Variants in NBAS observed in about 807,000 individuals in gnomAD.
NBAS encodes NBAS subunit of NRZ tethering complex.
A neutral mutation model predicts 302.5 loss-of-function variants in NBAS; 219 were observed. That is an observed-to-expected ratio of 0.72 (90% CI 0.65 to 0.81). The LOEUF (loss-of-function observed/expected upper bound fraction) is 0.81. Ranked by LOEUF, NBAS falls within the 30% of genes least tolerant of loss-of-function variation. NBAS has a pLI of 0.00. For synonymous variants in NBAS, 1,118 were observed against 1,021.6 expected (o/e 1.09, Z -1.80); for missense variants, 2,932 against 2,841.6 (o/e 1.03, Z -0.72).
chr2:14,831,409 T>A, the NBAS span, among the ~76,000 whole-genome samples: 2 of 152,200 alleles, frequency 1.3e-5, no homozygotes, highest in African/African-American at 4.8e-5. Flanking sequence ...GGAATGGAAA[T>A]AATGTCAAAG....
the NBAS span, among the ~76,000 whole-genome samples, chr2:14,908,745 A>G: frequency 6.6e-6 from 1 of 152,220 alleles, no homozygotes; most frequent in African/African-American, 2.4e-5. Context: ...AAAAGGAAAG[A>G]GCATTTTTGT....
rs534380256 is a variant in NBAS at position 15,461,693 on chromosome 2, A to G, written c.2196T>C (p.Tyr732=). ...TTTACAAAAAGCAAATTACCTGAGC[A>G]TAAGTTCTTGCTGAGAGAACAATAT... ...NQNIVLSART[Y]AQESNVQALE... is the part of the protein sequence containing the mutation. Residue 732 remains tyrosine, a synonymous_variant, in exon 20 of 52, where the codon TAT becomes TAC. Coordinates refer to ENST00000281513, the MANE Select transcript of NBAS (RefSeq NM_015909.4). 6.4e-7 allele frequency: 1 copy of G among 1,574,112 alleles called. No homozygotes were observed. The highest frequency in any genetic ancestry group is 1.1e-5 in the South Asian group (1 of 89,680).
chr2:15,553,998 C>A, intron 4 of NBAS, 63 bp downstream of exon 4: 1 of 1,396,864 alleles, frequency 7.2e-7, no homozygotes, highest in South Asian at 1.2e-5. Flanking sequence ...CCAAAATTAA[C>A]GTCCATAATG....
the NBAS span, among the ~76,000 whole-genome samples, chr2:15,037,029 G>C: frequency 0.8 from 122,215 of 152,158 alleles, 49,604 homozygotes; most frequent in East Asian, 1. Flanking sequence ...ACAATGAATA[G>C]ATTTGATGTC....
chr2:15,175,593 G>C (rs1434957760), intron 51 of NBAS, among the ~76,000 whole-genome samples: 1 of 152,180 alleles, frequency 6.6e-6, no homozygotes, highest in Non-Finnish European at 1.5e-5. Flanking sequence ...CAATTTTACT[G>C]AGAGTGATGG....
the NBAS span, among the ~76,000 whole-genome samples, chr2:14,984,717 C>G: frequency 6.6e-6 from 1 of 152,152 alleles, no homozygotes; most frequent in African/African-American, 2.4e-5. Context: ...TTGATGTGAT[C>G]ACAGAAGAGT....
intron 11 of NBAS, among the ~76,000 whole-genome samples, chr2:15,501,267 C>G (rs180845722): frequency 1.3e-5 from 2 of 149,736 alleles, no homozygotes; most frequent in East Asian, 3.9e-4. Context: ...GGCAACAGAG[C>G]GACACTCTGC....
chr2:15,555,298 C>T (rs543053371), intron 3 of NBAS, among the ~76,000 whole-genome samples: 1 of 150,724 alleles, frequency 6.6e-6, no homozygotes, highest in Admixed American at 6.6e-5. Flanking sequence ...ACATGTAGTA[C>T]ATTTACGCTC....
At chr2:15,497,447 G>T (rs1268371677) in intron 11 of NBAS, among the ~76,000 whole-genome samples, 2 of 152,196 alleles carry the variant, frequency 1.3e-5, no homozygotes, top group Non-Finnish European at 2.9e-5. Context: ...GATTAGATTA[G>T]ATGGGGGGAT....
chr2:15,199,417 A>G (rs959058698), intron 48 of NBAS, among the ~76,000 whole-genome samples: 4 of 152,214 alleles, frequency 2.6e-5, no homozygotes, highest in Non-Finnish European at 4.4e-5. Flanking sequence ...TTTGCTAGAA[A>G]GTAGTATAGT....
chr2:15,169,692 G>A (rs971653883), intron 51 of NBAS, among the ~76,000 whole-genome samples: 1 of 152,194 alleles, frequency 6.6e-6, no homozygotes, highest in Non-Finnish European at 1.5e-5. Context: ...TTCCTATGGA[G>A]CAGAGATCTT....
intron 11 of NBAS, among the ~76,000 whole-genome samples, chr2:15,495,574 T>C (rs1446130309): frequency 1.3e-5 from 2 of 152,128 alleles, no homozygotes; most frequent in Non-Finnish European, 2.9e-5. Context: ...AAAAATTGCA[T>C]GATAAAAGTA....
At chr2:15,063,678 T>C in the NBAS span, among the ~76,000 whole-genome samples, 1 of 151,984 alleles carries the variant, frequency 6.6e-6, no homozygotes, top group Non-Finnish European at 1.5e-5. Context: ...CTAGTGTCAT[T>C]AGAAAGGAAA....
intron 23 of NBAS, 118 bp from the exon 24 acceptor site, chr2:15,417,830 C>A (rs1677023808): frequency 3.1e-6 from 3 of 980,462 alleles, no homozygotes; most frequent in Admixed American, 5.2e-5. Flanking sequence ...AATTGCATTA[C>A]CAGTAACATA....
the NBAS span, among the ~76,000 whole-genome samples, chr2:14,965,124 C>G: frequency 6.6e-6 from 1 of 150,916 alleles, no homozygotes; most frequent in African/African-American, 2.4e-5. Flanking sequence ...TTTTAAGAAA[C>G]TAGAAAATGA....
At chr2:15,452,347 G>A (rs1679059183) in intron 21 of NBAS, among the ~76,000 whole-genome samples, 1 of 152,168 alleles carries the variant, frequency 6.6e-6, no homozygotes, top group African/African-American at 2.4e-5. Flanking sequence ...TGTAATCCCA[G>A]CACTTTGGGA....
At chr2:14,947,293 G>T in the NBAS span, among the ~76,000 whole-genome samples, 1 of 151,858 alleles carries the variant, frequency 6.6e-6, no homozygotes, top group Non-Finnish European at 1.5e-5. Flanking sequence ...AGAAAAAAGA[G>T]AGAAGACCCA....
At chr2:15,350,294 T>C (rs1046023709) in intron 35 of NBAS, among the ~76,000 whole-genome samples, 1 of 151,500 alleles carries the variant, frequency 6.6e-6, no homozygotes, top group Non-Finnish European at 1.5e-5. Flanking sequence ...AAAAAGTTAG[T>C]GCAGTTCACT....
chr2:15,189,650 G>A (rs1301973387), intron 49 of NBAS, among the ~76,000 whole-genome samples: 3 of 152,164 alleles, frequency 2.0e-5, no homozygotes, highest in African/African-American at 7.2e-5. Context: ...GACTGGATAA[G>A]TACCCCACGC....
Sources: gnomAD v4.1 joint callset for allele counts (sites outside exome capture counted in the v4.1 genomes callset) on GRCh38, gnomAD v4.1.1 for gene constraint, MANE v1.5 for transcripts, NCBI Gene and HGNC (gene_info 2026-07-23, HGNC 2026-07-21) for gene names.